Variants in HRH4 observed in about 807,000 individuals in gnomAD.
HRH4 encodes histamine receptor H4.
In HRH4, 12 loss-of-function variants were observed where a neutral mutation model predicts 10.4. The observed-to-expected ratio is 1.15, with a 90% CI of 0.74 to 1.87. The LOEUF (loss-of-function observed/expected upper bound fraction) is 1.87. HRH4 is among the 40% of genes most tolerant of loss of function. HRH4 has a pLI of 0.00. For synonymous variants in HRH4, 154 were observed against 166.6 expected (o/e 0.92, Z 0.58); for missense variants, 415 against 453.3 (o/e 0.92, Z 0.77).
intron 1 of HRH4, among the ~76,000 whole-genome samples, chr18:24,465,157 G>A (rs1189205144): frequency 5.3e-5 from 8 of 152,028 alleles, no homozygotes; most frequent in South Asian, 2.1e-4. Context: ...GCGTGGTGGC[G>A]TGTGCCTGTA....
chr18:24,472,815 G>A (rs748264951), intron 2 of HRH4, among the ~76,000 whole-genome samples: 26 of 152,130 alleles, frequency 1.7e-4, no homozygotes, highest in Non-Finnish European at 2.1e-4. Context: ...GGGTGGGGAA[G>A]GAGAACAGCA....
chr18:24,477,657 T>A lies in HRH4; in HGVS notation c.*95T>A. 3.8e-6 allele frequency: 3 copies of A among 784,364 alleles called. No individual in the cohort carries two copies. Among genetic ancestry groups the A allele is most frequent in the Non-Finnish European group, 6.0e-6 (3 of 502,630 alleles). The allele number at this position is 784,364 out of a possible 1,614,324, so 48.6% of individuals were successfully genotyped here. A position where few individuals can be genotyped will look rare whatever the true frequency, so the allele number is the denominator to read the frequency against. On this transcript the variant is annotated 3_prime_UTR_variant, in exon 3 of 3. Coordinates refer to ENST00000256906, the MANE Select transcript of HRH4 (RefSeq NM_021624.4). ...TTGCCCTTTTCATTCTACCAACAGA[T>A]CTGCACTTTGAAGTCAATGGTAAAT...
intron 1 of HRH4, among the ~76,000 whole-genome samples, chr18:24,462,949 T>C (rs570722612): frequency 6.6e-5 from 10 of 152,304 alleles, no homozygotes; most frequent in African/African-American, 2.2e-4. Flanking sequence ...CTTCACAGGA[T>C]CTTGTGACTT....
intron 2 of HRH4, among the ~76,000 whole-genome samples, chr18:24,472,119 C>A (rs1909985212): frequency 1.3e-5 from 2 of 152,228 alleles, no homozygotes; most frequent in Non-Finnish European, 2.9e-5. Context: ...GATCTCGGCT[C>A]ACTGCAAACT....
intron 1 of HRH4, among the ~76,000 whole-genome samples, chr18:24,464,795 T>C (rs1421995155): frequency 6.6e-6 from 1 of 152,116 alleles, no homozygotes; most frequent in African/African-American, 2.4e-5. Flanking sequence ...TGAAAATCCC[T>C]GCCCTCATGA....
At position 24,479,343 on chromosome 18, in the gene HRH4, A is replaced by G. The variant is rs1910244165; in HGVS notation, c.*1781A>G. On this transcript the variant is annotated 3_prime_UTR_variant, in exon 3 of 3. Coordinates refer to ENST00000256906, the MANE Select transcript of HRH4 (RefSeq NM_021624.4). ...TTAATGTCTTTAATGCATTTGCCCAATATTTTACATTGTACTGCTCAGAGG... is the reference window on the plus strand; with the variant it reads ...TTAATGTCTTTAATGCATTTGCCCAGTATTTTACATTGTACTGCTCAGAGG... The G allele has an allele frequency of 1.3e-5, 2 of 152,224 alleles. No homozygotes were observed. The highest frequency in any genetic ancestry group is 6.5e-5 in the Admixed American group (1 of 15,290). The allele number at this position is 152,224 out of a possible 1,614,324, so 9.4% of individuals were successfully genotyped here.
At chr18:24,468,333 C>A (rs1039328338) in intron 1 of HRH4, among the ~76,000 whole-genome samples, 4 of 152,170 alleles carry the variant, frequency 2.6e-5, no homozygotes, top group East Asian at 1.9e-4. Context: ...TGAGTTACCA[C>A]GCCCGGCCCC....
chr18:24,469,071 C>CTA, intron 2 of HRH4, 120 bp downstream of exon 2: 1 of 710,110 alleles, frequency 1.4e-6, no homozygotes, highest in Non-Finnish European at 2.2e-6. Context: ...TAGAGGAACC[C>CTA]TATCCTTTTG....
intron 1 of HRH4, among the ~76,000 whole-genome samples, chr18:24,468,412 G>A (rs1909836794): frequency 6.6e-6 from 1 of 152,180 alleles, no homozygotes. Flanking sequence ...TATGTAAATA[G>A]TTGTTATACT....
intron 1 of HRH4, among the ~76,000 whole-genome samples, chr18:24,463,182 GAA>G (rs1909685618): frequency 6.6e-6 from 1 of 152,212 alleles, no homozygotes; most frequent in Non-Finnish European, 1.5e-5. Context: ...CTTGTCTTTG[GAA>G]AATGGCCCTG....
intron 1 of HRH4, among the ~76,000 whole-genome samples, chr18:24,468,188 C>A: frequency 6.6e-6 from 1 of 151,976 alleles, no homozygotes; most frequent in East Asian, 1.9e-4. Flanking sequence ...TGTACATCCT[C>A]CCATATACTT....
chr18:24,461,155 A>G (rs138793176), intron 1 of HRH4, among the ~76,000 whole-genome samples: 484 of 152,244 alleles, frequency 3.2e-3, no homozygotes, highest in Non-Finnish European at 4.7e-3. Context: ...TTTTCTTTTT[A>G]TAGAATAAAG....
intron 1 of HRH4, among the ~76,000 whole-genome samples, chr18:24,467,284 C>G (rs1390360749): frequency 6.6e-6 from 1 of 152,164 alleles, no homozygotes; most frequent in Non-Finnish European, 1.5e-5. Context: ...TTGGCCAACT[C>G]TAGAGGTTGT....
intron 1 of HRH4, among the ~76,000 whole-genome samples, chr18:24,461,346 G>A (rs72890409): frequency 0.014 from 2,139 of 152,110 alleles, 31 homozygotes; most frequent in Non-Finnish European, 0.02. Flanking sequence ...AGAAAATAGC[G>A]TATTCAGATC....
In HRH4 at chr18:24,477,642, C is replaced by A; in HGVS notation, c.*80C>A. ...GGTCTGCCCTTTATCTTGCCCTTTTCATTCTACCAACAGATCTGCACTTTG... is the reference window on the plus strand; with the variant it reads ...GGTCTGCCCTTTATCTTGCCCTTTTAATTCTACCAACAGATCTGCACTTTG... On this transcript the variant is annotated 3_prime_UTR_variant, in exon 3 of 3. Coordinates refer to ENST00000256906, the MANE Select transcript of HRH4 (RefSeq NM_021624.4). 1.1e-6 allele frequency: 1 copy of A among 933,710 alleles called. No homozygotes were observed. The highest frequency in any genetic ancestry group is 1.6e-6 in the Non-Finnish European group (1 of 630,798). The allele number at this position is 933,710 out of a possible 1,614,324, so 57.8% of individuals were successfully genotyped here. A position where few individuals can be genotyped will look rare whatever the true frequency, so the allele number is the denominator to read the frequency against.
chr18:24,461,894 T>C (rs1909651410), intron 1 of HRH4, among the ~76,000 whole-genome samples: 1 of 152,064 alleles, frequency 6.6e-6, no homozygotes, highest in Non-Finnish European at 1.5e-5. Flanking sequence ...AAGGGATCTA[T>C]AGAAGATTAG....
rs753457261 is a variant in HRH4 at position 24,468,900 on chromosome 18, A to G, written c.306A>G (p.Val102=). Residue 102 remains valine, a synonymous_variant, in exon 2 of 3, where the codon GTA becomes GTG. Coordinates refer to ENST00000256906, the MANE Select transcript of HRH4 (RefSeq NM_021624.4). ...TTDYLLCTAS[V]YNIVLISYDR... Reference sequence around the variant, plus strand: ...ACTATCTGTTATGTACAGCATCTGTATATAACATTGTCCTCATCAGCTATG... The same window carrying G: ...ACTATCTGTTATGTACAGCATCTGTGTATAACATTGTCCTCATCAGCTATG... The G allele has an allele frequency of 2.5e-6, 4 of 1,613,494 alleles. No homozygotes were observed. Among genetic ancestry groups the G allele is most frequent in the South Asian group, 2.2e-5 (2 of 90,930 alleles).
Position 24,477,653 on chromosome 18 carries a change from C to A in HRH4, c.*91C>A. The A allele has an allele frequency of 1.3e-6, 1 of 788,136 alleles. No homozygotes were observed. The highest frequency in any genetic ancestry group is 2.0e-6 in the Non-Finnish European group (1 of 505,090). The allele number at this position is 788,136 out of a possible 1,614,324, so 48.8% of individuals were successfully genotyped here. ...TATCTTGCCCTTTTCATTCTACCAACAGATCTGCACTTTGAAGTCAATGGT... is the reference window on the plus strand; with the variant it reads ...TATCTTGCCCTTTTCATTCTACCAAAAGATCTGCACTTTGAAGTCAATGGT... On this transcript the variant is annotated 3_prime_UTR_variant, in exon 3 of 3. Coordinates refer to ENST00000256906, the MANE Select transcript of HRH4 (RefSeq NM_021624.4).
intron 1 of HRH4, among the ~76,000 whole-genome samples, chr18:24,462,735 C>T (rs1240007231): frequency 2.0e-5 from 3 of 152,180 alleles, no homozygotes; most frequent in Admixed American, 2.0e-4. Flanking sequence ...GGCAGCTAAC[C>T]CATAAAGAAG....
Sources: allele counts gnomAD v4.1 joint callset (sites outside exome capture counted in the v4.1 genomes callset), GRCh38; gene constraint gnomAD v4.1.1; transcripts MANE v1.5; gene names NCBI Gene and HGNC (gene_info 2026-07-23, HGNC 2026-07-21).